Variants in ZNF804B observed in about 807,000 individuals in gnomAD.
The protein encoded by ZNF804B is zinc finger 804B.
ZNF804B carries 80 observed loss-of-function variants against 101.4 expected under a neutral mutation model. That is an observed-to-expected ratio of 0.79 (90% CI 0.66 to 0.95). ZNF804B has a LOEUF of 0.95. Among genes scored for constraint, ZNF804B ranks in the 40% least tolerant of loss-of-function variants. The probability of loss-of-function intolerance (pLI) is 0.00; values close to 1 mark genes in which losing one functional copy is unlikely to be tolerated. For missense variants in ZNF804B, 1,673 were observed against 1,561.9 expected (o/e 1.07, Z -1.20); for synonymous variants, 622 against 558.8 (o/e 1.11, Z -1.59).
chr7:88,926,945 G>GGGGC lies in ZNF804B; in HGVS notation c.108+166864_108+166865insCGGG, dbSNP rs959590569. Among the ~76,000 whole-genome samples, 23 of 150,018 alleles carry GGGGC rather than the reference G, an allele frequency of 1.5e-4. No individual in the cohort carries two copies. The South Asian group carries it at 3.4e-3, about 22-fold the overall frequency. On this transcript the variant is annotated intron_variant, in intron 1 of 3. Coordinates refer to ENST00000333190, the MANE Select transcript of ZNF804B (RefSeq NM_181646.5). ...GATGTCTGCCGGGTGGTGGGGAGCG[G>GGGGC]GGGGAAAGCTGTTCTGTAGTTTGTT...
chr7:88,874,849 A>T lies in ZNF804B; in HGVS notation c.108+114765A>T, dbSNP rs1234875226. 4.0e-5 allele frequency among the ~76,000 whole-genome samples: 6 copies of T among 150,640 alleles called. No homozygotes were observed. In the Admixed American group the frequency reaches 4.0e-4, roughly 10 times the overall value. The stretch of plus-strand genomic sequence containing the variant: ...AGAACTCCCCACCCCAAATCAACAG[A>T]ATATACATTTTTTTCAGCACCACAC... On this transcript the variant is annotated intron_variant, in intron 1 of 3. Coordinates refer to ENST00000333190, the MANE Select transcript of ZNF804B (RefSeq NM_181646.5).
chr7:88,930,143 G>A (rs909811402), intron 1 of ZNF804B, among the ~76,000 whole-genome samples: 1 of 151,576 alleles, frequency 6.6e-6, no homozygotes, highest in Non-Finnish European at 1.5e-5. Flanking sequence ...TATAGGTATG[G>A]GCACCTATAA....
intron 1 of ZNF804B, among the ~76,000 whole-genome samples, chr7:88,893,171 CT>C (rs1323459083): frequency 6.6e-6 from 1 of 152,098 alleles, no homozygotes; most frequent in Non-Finnish European, 1.5e-5. Context: ...GTAAATGCCA[CT>C]TTCAGCATTT....
At chr7:89,162,061 A>G (rs1349019787) in intron 1 of ZNF804B, among the ~76,000 whole-genome samples, 2 of 151,988 alleles carry the variant, frequency 1.3e-5, no homozygotes, top group Admixed American at 1.3e-4. Context: ...AATATTCTTC[A>G]CTCTCTAGTT....
intron 1 of ZNF804B, among the ~76,000 whole-genome samples, chr7:89,195,937 A>G (rs1228069829): frequency 1.3e-5 from 2 of 152,208 alleles, no homozygotes; most frequent in South Asian, 2.1e-4. Context: ...TTCCATGCTC[A>G]TGAATAAGAA....
chr7:89,251,307 G>T (rs1471618891), intron 2 of ZNF804B, among the ~76,000 whole-genome samples: 1 of 151,896 alleles, frequency 6.6e-6, no homozygotes, highest in Non-Finnish European at 1.5e-5. Flanking sequence ...AATATTCAAG[G>T]TGAGACCCAA....
intron 1 of ZNF804B, among the ~76,000 whole-genome samples, chr7:88,799,869 C>T (rs769065949): frequency 3.3e-5 from 5 of 152,086 alleles, no homozygotes; most frequent in South Asian, 2.1e-4. Flanking sequence ...TTCTTAGAAA[C>T]GTTAGTGAAA....
chr7:89,315,603 T>C (rs564917960), intron 2 of ZNF804B, among the ~76,000 whole-genome samples: 121 of 152,250 alleles, frequency 7.9e-4, no homozygotes, highest in African/African-American at 2.8e-3. Context: ...ACATTGATTT[T>C]ATTGATTTTA....
At chr7:89,043,201 T>C (rs1480897943) in intron 1 of ZNF804B, among the ~76,000 whole-genome samples, 1 of 152,210 alleles carries the variant, frequency 6.6e-6, no homozygotes, top group Non-Finnish European at 1.5e-5. Flanking sequence ...CGGTGTCCTT[T>C]GAGGCATACT....
intron 1 of ZNF804B, among the ~76,000 whole-genome samples, chr7:89,124,895 G>T (rs1790456967): frequency 6.6e-6 from 1 of 152,022 alleles, no homozygotes; most frequent in Non-Finnish European, 1.5e-5. Flanking sequence ...TCATTCAAGA[G>T]TCCATCCTCT....
At chr7:89,323,092 C>T (rs1222908091) in intron 2 of ZNF804B, among the ~76,000 whole-genome samples, 2 of 152,210 alleles carry the variant, frequency 1.3e-5, no homozygotes, top group African/African-American at 4.8e-5. Flanking sequence ...AGAGAGCTTG[C>T]CTCTTCTCTC....
At chr7:88,794,343 T>C (rs1790437686) in intron 1 of ZNF804B, 1 of 1,613,776 alleles carries the variant, frequency 6.2e-7, no homozygotes, top group Non-Finnish European at 8.5e-7. Context: ...CAACTTGGTG[T>C]AAGTTATCGC....
intron 1 of ZNF804B, among the ~76,000 whole-genome samples, chr7:89,147,112 A>T (rs2116400394): frequency 7.2e-6 from 1 of 138,970 alleles, no homozygotes; most frequent in East Asian, 2.0e-4. Flanking sequence ...TTTAATGTTT[A>T]AAATATTAAC....
chr7:89,171,636 T>A (rs1469148267), intron 1 of ZNF804B, among the ~76,000 whole-genome samples: 3 of 152,054 alleles, frequency 2.0e-5, no homozygotes, highest in Non-Finnish European at 4.4e-5. Context: ...GGTTTCACCA[T>A]GTTGGCCAGG....
At chr7:88,890,715 T>C (rs1449656060) in intron 1 of ZNF804B, among the ~76,000 whole-genome samples, 1 of 152,198 alleles carries the variant, frequency 6.6e-6, no homozygotes, top group Non-Finnish European at 1.5e-5. Context: ...GAGTTATTGG[T>C]GGATACATAT....
At chr7:89,052,042 A>G (rs1554359337) in intron 1 of ZNF804B, among the ~76,000 whole-genome samples, 1 of 152,084 alleles carries the variant, frequency 6.6e-6, no homozygotes, top group East Asian at 1.9e-4. Context: ...TTTGTTGTTA[A>G]ATATGTCTAA....
chr7:88,911,495 A>C (rs1238766016), intron 1 of ZNF804B, among the ~76,000 whole-genome samples: 1 of 149,082 alleles, frequency 6.7e-6, no homozygotes, highest in East Asian at 1.9e-4. Context: ...ATTTATACCA[A>C]CATTATTTTT....
chr7:88,800,695 TGTG>T, intron 1 of ZNF804B, among the ~76,000 whole-genome samples: 1 of 16,850 alleles, frequency 5.9e-5, no homozygotes, highest in Non-Finnish European at 9.8e-5. Context: ...ATATGATTTG[TGTG>T]TGTGTGTGTG....
At chr7:88,808,209 T>A (rs925003007) in intron 1 of ZNF804B, among the ~76,000 whole-genome samples, 2 of 151,808 alleles carry the variant, frequency 1.3e-5, no homozygotes, top group Admixed American at 6.6e-5. Flanking sequence ...CTGGCCAACA[T>A]GGTGAAAACC....
Sources: allele counts gnomAD v4.1 joint callset (sites outside exome capture counted in the v4.1 genomes callset), GRCh38; gene constraint gnomAD v4.1.1; transcripts MANE v1.5; gene names NCBI Gene and HGNC (gene_info 2026-07-23, HGNC 2026-07-21).